HEMK2: variants seen among roughly 807,000 people sequenced by gnomAD.
HEMK2 encodes the protein HemK methyltransferase 2, ETF1 glutamine and histone H4 lysine, also known as methyltransferase HEMK2.
the HEMK2 span, among the ~76,000 whole-genome samples, chr21:28,699,819 G>A: frequency 2.0e-5 from 3 of 152,302 alleles, no homozygotes; most frequent in Non-Finnish European, 4.4e-5. Flanking sequence ...ATAGGGTTTC[G>A]TCATGCCCCA....
the HEMK2 span, among the ~76,000 whole-genome samples, chr21:28,586,009 A>G: frequency 4.8e-3 from 732 of 152,352 alleles, 12 homozygotes; most frequent in African/African-American, 0.017. Flanking sequence ...CAGGATGCAC[A>G]TATTATTTAT....
the HEMK2 span, among the ~76,000 whole-genome samples, chr21:28,723,328 T>G: frequency 2.6e-5 from 4 of 152,166 alleles, no homozygotes; most frequent in Non-Finnish European, 5.9e-5. Context: ...GATTTCATTT[T>G]AAAACACTGA....
chr21:28,831,097 C>T, the HEMK2 span, among the ~76,000 whole-genome samples: 1 of 151,912 alleles, frequency 6.6e-6, no homozygotes, highest in South Asian at 2.1e-4. Flanking sequence ...AGGAGGGATG[C>T]CATGTGTCAT....
chr21:28,660,563 G>T, the HEMK2 span, among the ~76,000 whole-genome samples: 1 of 151,138 alleles, frequency 6.6e-6, no homozygotes, highest in African/African-American at 2.4e-5. Context: ...GGACTACATT[G>T]GTTTATGATC....
At chr21:28,879,403 G>A in the HEMK2 span, among the ~76,000 whole-genome samples, 4 of 152,224 alleles carry the variant, frequency 2.6e-5, no homozygotes, top group Middle Eastern at 3.4e-3. Context: ...CACCAGGCCC[G>A]GCTAATTTTT....
the HEMK2 span, among the ~76,000 whole-genome samples, chr21:28,647,871 A>T: frequency 6.6e-6 from 1 of 152,230 alleles, no homozygotes; most frequent in Non-Finnish European, 1.5e-5. Flanking sequence ...CAAGAACAAG[A>T]GGGAGTGATT....
chr21:28,807,221 T>C, the HEMK2 span, among the ~76,000 whole-genome samples: 1 of 152,174 alleles, frequency 6.6e-6, no homozygotes, highest in African/African-American at 2.4e-5. Flanking sequence ...GGACTTTGAA[T>C]TCATTGCCTG....
the HEMK2 span, among the ~76,000 whole-genome samples, chr21:28,635,679 A>G: frequency 1.3e-5 from 2 of 152,154 alleles, no homozygotes; most frequent in Non-Finnish European, 2.9e-5. Context: ...GGTAGGTACT[A>G]TATCACCTAG....
chr21:28,864,913 T>TAGATAG, the HEMK2 span, among the ~76,000 whole-genome samples: 8 of 144,168 alleles, frequency 5.5e-5, no homozygotes, highest in Admixed American at 1.4e-4. Flanking sequence ...AGATAGATGA[T>TAGATAG]ATAGATAGAT....
chr21:28,848,937 ATGAGTG>A, the HEMK2 span, among the ~76,000 whole-genome samples: 6 of 152,260 alleles, frequency 3.9e-5, no homozygotes, highest in African/African-American at 1.4e-4. Flanking sequence ...TGCCACTGGT[ATGAGTG>A]CACGCAGGAA....
chr21:28,769,865 C>T, the HEMK2 span, among the ~76,000 whole-genome samples: 5 of 152,122 alleles, frequency 3.3e-5, no homozygotes, highest in East Asian at 1.9e-4. Flanking sequence ...AAATGGGCTT[C>T]CTTTGTAAGC....
the HEMK2 span, among the ~76,000 whole-genome samples, chr21:28,859,963 G>A: frequency 2.6e-5 from 4 of 152,234 alleles, no homozygotes; most frequent in African/African-American, 7.2e-5. Context: ...TTAATATGGC[G>A]TGTCAACTTG....
At chr21:28,819,276 T>C in the HEMK2 span, among the ~76,000 whole-genome samples, 1 of 148,014 alleles carries the variant, frequency 6.8e-6, no homozygotes, top group South Asian at 2.1e-4. Context: ...ACAGCAACCA[T>C]GCAGTTTATT....
the HEMK2 span, chr21:28,872,345 G>A: frequency 1.3e-5 from 2 of 152,272 alleles, no homozygotes; most frequent in African/African-American, 2.4e-5. Flanking sequence ...CAAACTCCTC[G>A]TGGCTCCACC....
At chr21:28,682,752 G>A in the HEMK2 span, among the ~76,000 whole-genome samples, 401 of 152,158 alleles carry the variant, frequency 2.6e-3, 3 homozygotes, top group African/African-American at 9.1e-3. Context: ...GTCCTTTGTA[G>A]GGACATGGAT....
the HEMK2 span, among the ~76,000 whole-genome samples, chr21:28,783,296 T>C: frequency 6.6e-6 from 1 of 152,132 alleles, no homozygotes; most frequent in African/African-American, 2.4e-5. Flanking sequence ...GCAATTCTCC[T>C]GCCTCAGCCT....
At chr21:28,681,989 G>A in the HEMK2 span, among the ~76,000 whole-genome samples, 5 of 152,196 alleles carry the variant, frequency 3.3e-5, no homozygotes, top group African/African-American at 1.2e-4. Context: ...ACATAGGCAT[G>A]AGCAAGGACT....
chr21:28,679,157 A>G, the HEMK2 span, among the ~76,000 whole-genome samples: 7 of 152,166 alleles, frequency 4.6e-5, no homozygotes, highest in African/African-American at 1.7e-4. Flanking sequence ...CCCATCTCAC[A>G]TGCAGAGACA....
At chr21:28,727,521 C>T in the HEMK2 span, among the ~76,000 whole-genome samples, 2 of 152,204 alleles carry the variant, frequency 1.3e-5, no homozygotes, top group Admixed American at 1.3e-4. Context: ...TTCAAAGTTG[C>T]ACCCTGCGTG....
Sources: gnomAD v4.1 joint callset for allele counts (sites outside exome capture counted in the v4.1 genomes callset) on GRCh38, gnomAD v4.1.1 for gene constraint, MANE v1.5 for transcripts, NCBI Gene and HGNC (gene_info 2026-07-23, HGNC 2026-07-21) for gene names.